STXBP2: variants seen among roughly 807,000 people sequenced by gnomAD.
STXBP2 encodes the protein syntaxin-binding protein 2.
STXBP2 carries 47 observed loss-of-function variants against 72.2 expected under a neutral mutation model. The observed-to-expected ratio is 0.65, with a 90% CI of 0.51 to 0.83. The LOEUF (loss-of-function observed/expected upper bound fraction) is 0.83. STXBP2 is among the 40% of genes least tolerant of loss of function. STXBP2 has a pLI of 0.00. For missense variants in STXBP2, 702 were observed against 807.6 expected (o/e 0.87, Z 1.58); for synonymous variants, 367 against 338.7 (o/e 1.08, Z -0.92).
At chr19:7,641,953 C>G (rs976565139) in intron 7 of STXBP2, 81 bp from the exon 8 acceptor site, 1 of 1,606,590 alleles carries the variant, frequency 6.2e-7, no homozygotes, top group Non-Finnish European at 8.5e-7. Context: ...CCGGCCCTAC[C>G]CTGGCCCCTG....
intron 15 of STXBP2, 192 bp from the exon 16 acceptor site, chr19:7,646,053 TTCTC>T (rs2032122565): frequency 1.7e-6 from 1 of 603,044 alleles, no homozygotes; most frequent in Non-Finnish European, 3.0e-6. Flanking sequence ...CCCTTTGGCT[TTCTC>T]TCTCCGTCTC....
upstream of STXBP2, among the ~76,000 whole-genome samples, chr19:7,635,085 ATTAGTACTTCATATCTTTTGGGGG>A: frequency 4.6e-5 from 7 of 152,300 alleles, 1 homozygote; most frequent in Admixed American, 4.6e-4. Flanking sequence ...GGTATTGGGG[ATTAGTACTTCATATCTTTTGGGGG>A]TTAGTGGTGG....
intron 4 of STXBP2, 89 bp downstream of exon 4, chr19:7,639,896 G>A (rs986416903): frequency 4.5e-6 from 6 of 1,339,530 alleles, no homozygotes; most frequent in Non-Finnish European, 6.3e-6. Context: ...GATTGCATGT[G>A]TGCATGTGTA....
At chr19:7,640,430 C>T (rs1568465461) in intron 4 of STXBP2, 1 of 612,480 alleles carries the variant, frequency 1.6e-6, no homozygotes, top group Non-Finnish European at 3.0e-6. Context: ...GCGCGCGCAT[C>T]TGTGTGTGTG....
At position 7,645,827 on chromosome 19, in the gene STXBP2, A is replaced by ATC. The variant is rs977000309; in HGVS notation, c.1357-411_1357-410dup. ...ATCTCGCTGTGCACTGTTTCTCCAT[A>ATC]TCTCTCTCTCTCACCCTTCTCTCTG... On this transcript the variant is annotated intron_variant, in intron 15 of 18. Coordinates refer to ENST00000221283, the MANE Select transcript of STXBP2 (RefSeq NM_006949.4). 7 of 274,948 alleles carry ATC rather than the reference A, an allele frequency of 2.5e-5. No individual in the cohort carries two copies. In the East Asian group the frequency reaches 2.8e-4, roughly 11 times the overall value. 17.0% of individuals were successfully genotyped at this position (274,948 alleles called of 1,614,324 possible).
At chr19:7,645,388 T>C (rs2032093640) in intron 15 of STXBP2, 82 bp downstream of exon 15, 1 of 1,314,004 alleles carries the variant, frequency 7.6e-7, no homozygotes. Flanking sequence ...GGGCCATTGG[T>C]GCACAGGCAC....
At chr19:7,631,499 G>A in the STXBP2 span, 1 of 1,536,680 alleles carries the variant, frequency 6.5e-7, no homozygotes. Flanking sequence ...AATTCAAAGA[G>A]AGGTTACGGA....
intron 1 of STXBP2, among the ~76,000 whole-genome samples, chr19:7,638,403 A>G (rs572003249): frequency 1.3e-3 from 199 of 152,264 alleles, no homozygotes; most frequent in Non-Finnish European, 2.5e-3. Flanking sequence ...AAAGTTTGAG[A>G]CCAGCTTGGG....
Position 7,644,679 on chromosome 19 carries a change from G to A in STXBP2, c.1173G>A (p.Pro391=), listed in dbSNP as rs201135827. Residue 391 remains proline (P), a synonymous_variant, in exon 14 of 19, where the codon CCG becomes CCA. Transcript: ENST00000221283. ...AGGACTCCATGAAGCTGATCGTTCC[G>A]GTGCTGCTGGACGCGGCGGTGCCCG... ...KIKDSMKLIV[P]VLLDAAVPAY... 45 of 1,613,750 alleles carry A rather than the reference G, an allele frequency of 2.8e-5. No individual in the cohort carries two copies. Among genetic ancestry groups the A allele is most frequent in the East Asian group, 4.5e-5 (2 of 44,876 alleles).
chr19:7,643,299 TGGGGAG>T, intron 13 of STXBP2, 54 bp downstream of exon 13: 1 of 1,345,900 alleles, frequency 7.4e-7, no homozygotes, highest in Non-Finnish European at 1.0e-6. Context: ...GGCGGGGTAT[TGGGGAG>T]GGGCTGAACT....
upstream of STXBP2, among the ~76,000 whole-genome samples, chr19:7,634,519 C>T (rs1327596283): frequency 1.3e-5 from 2 of 152,178 alleles, no homozygotes; most frequent in Non-Finnish European, 2.9e-5. Context: ...TGGCTTAAAA[C>T]ACATAAGTTG....
At chr19:7,640,504 G>C (rs1264183072) in intron 4 of STXBP2, 1 of 604,126 alleles carries the variant, frequency 1.7e-6, no homozygotes, top group African/African-American at 1.9e-5. Context: ...GTGCATCTGT[G>C]TGTGTGTGCA....
At position 7,639,092 on chromosome 19, in the gene STXBP2, G is replaced by T; in HGVS notation, c.161G>T (p.Gly54Val). ...AAAATGTCAGATATCCTGGCTGAGG[G>T]CATCACCAGTGAGTGAACGCGTCCC... ...CCKMSDILAE[G>V]ITIVEDINKR... is the part of the protein sequence containing the mutation. The change falls in exon 3 of 19, where the codon GGC becomes GTC. Residue 54 changes from glycine (G) to valine (V), a missense_variant. Physicochemically the swap from Gly to Val is moderately radical, Grantham distance 109. Coordinates refer to ENST00000221283, the MANE Select transcript of STXBP2 (RefSeq NM_006949.4). The T allele has an allele frequency of 6.2e-7, 1 of 1,614,186 alleles. No individual in the cohort carries two copies. The highest frequency in any genetic ancestry group is 1.1e-5 in the South Asian group (1 of 91,084).
intron 6 of STXBP2, 94 bp from the exon 7 acceptor site, chr19:7,641,611 C>T (rs1000969969): frequency 2.3e-5 from 34 of 1,508,974 alleles, no homozygotes; most frequent in East Asian, 9.8e-5. Context: ...GGACCAGGGA[C>T]GGCTCCCAGG....
chr19:7,647,127 G>T, intron 16 of STXBP2, 35 bp from the exon 17 acceptor site: 1 of 1,608,398 alleles, frequency 6.2e-7, no homozygotes. Context: ...CCCCATGCCT[G>T]GGGTTCCTCC....
chr19:7,647,114 G>A (rs769438437), intron 16 of STXBP2, 48 bp from the exon 17 acceptor site: 52 of 1,601,798 alleles, frequency 3.2e-5, no homozygotes, highest in East Asian at 1.3e-4. Flanking sequence ...TCCTGACCCC[G>A]GACCCCATGC....
upstream of STXBP2, among the ~76,000 whole-genome samples, chr19:7,634,572 T>A (rs4804759): frequency 0.29 from 44,364 of 152,228 alleles, 7,154 homozygotes; most frequent in Non-Finnish European, 0.37. Flanking sequence ...GTCTCACTAT[T>A]TTGCCCAGGC....
intron 13 of STXBP2, among the ~76,000 whole-genome samples, chr19:7,643,948 T>A (rs2032012175): frequency 7.2e-6 from 1 of 139,656 alleles, no homozygotes; most frequent in African/African-American, 2.7e-5. Flanking sequence ...GGTAGAGCCA[T>A]GGAGAGGTGG....
intron 3 of STXBP2, chr19:7,639,310 C>T (rs568671507): frequency 1.5e-6 from 1 of 658,218 alleles, no homozygotes; most frequent in Admixed American, 2.1e-5. Context: ...GGATTGCAGG[C>T]CTCCCCTGCA....
Sources: allele counts gnomAD v4.1 joint callset (sites outside exome capture counted in the v4.1 genomes callset), GRCh38; gene constraint gnomAD v4.1.1; transcripts MANE v1.5; gene names NCBI Gene and HGNC (gene_info 2026-07-23, HGNC 2026-07-21).